Variants in RYR3 observed in about 807,000 individuals in gnomAD.
RYR3 encodes the protein brain ryanodine receptor-calcium release channel.
RYR3 carries 207 observed loss-of-function variants against 584.3 expected under a neutral mutation model. The observed-to-expected ratio is 0.35, with a 90% CI of 0.32 to 0.40. The LOEUF (loss-of-function observed/expected upper bound fraction) is 0.40. Among genes scored for constraint, RYR3 ranks in the 10% least tolerant of loss-of-function variants. The pLI is 1.00. For synonymous variants in RYR3, 2,416 were observed against 2,248.5 expected (o/e 1.07, Z -2.11); for missense variants, 5,616 against 6,089.2 (o/e 0.92, Z 2.59).
chr15:33,697,930 A>G lies in RYR3; in HGVS notation c.6183A>G (p.Arg2061=). 6.2e-7 allele frequency: 1 copy of G among 1,613,920 alleles called. No homozygotes were observed. The highest frequency in any genetic ancestry group is 1.1e-5 in the South Asian group (1 of 91,074). Residue 2061 remains arginine (R), a synonymous_variant, in exon 40 of 104, where the codon AGA becomes AGG. Coordinates refer to ENST00000634891, the MANE Select transcript of RYR3 (RefSeq NM_001036.6). ...KVFYQHPNLM[R]VLGMHETVME... ...TTTACCAGCATCCCAACCTCATGAG[A>G]GTCCTGGGCATGCACGAGACGGTGA...
intron 74 of RYR3, chr15:33,815,846 T>A: frequency 2.5e-6 from 1 of 398,578 alleles, no homozygotes; most frequent in Non-Finnish European, 4.4e-6. Context: ...ACAAAATTAA[T>A]AATTTCTTCC....
chr15:33,709,521 A>C (rs935197271), intron 43 of RYR3, among the ~76,000 whole-genome samples: 1 of 152,210 alleles, frequency 6.6e-6, no homozygotes, highest in African/African-American at 2.4e-5. Context: ...ATGGGGCCTA[A>C]TTGGAGGTGT....
At chr15:33,834,401 T>C (rs2077900134) in intron 86 of RYR3, among the ~76,000 whole-genome samples, 1 of 152,078 alleles carries the variant, frequency 6.6e-6, no homozygotes, top group South Asian at 2.1e-4. Flanking sequence ...AGAGATGCTA[T>C]TATATATGAA....
At chr15:33,573,671 G>T (rs1028582719) in intron 12 of RYR3, among the ~76,000 whole-genome samples, 6 of 152,188 alleles carry the variant, frequency 3.9e-5, no homozygotes, top group Non-Finnish European at 7.3e-5. Flanking sequence ...TTTAATAAAA[G>T]AATTCATTGG....
At chr15:33,837,057 T>C (rs2078096309) in intron 88 of RYR3, 70 bp downstream of exon 88, 2 of 1,240,790 alleles carry the variant, frequency 1.6e-6, no homozygotes, top group Non-Finnish European at 1.2e-6. Flanking sequence ...TTACTGATCA[T>C]GCAGATTATC....
chr15:33,641,912 G>T lies in RYR3; in HGVS notation c.3557-2399G>T, dbSNP rs2061848794. On this transcript the variant is annotated intron_variant, in intron 27 of 103. Transcript: ENST00000634891. Reference sequence around the variant, plus strand: ...TGGTCATAATTACTGTTTAAATCTGGGGCATTCATCCCCTGAAGACTCACT... The same window carrying T: ...TGGTCATAATTACTGTTTAAATCTGTGGCATTCATCCCCTGAAGACTCACT... Among the ~76,000 whole-genome samples the T allele has an allele frequency of 4.6e-5, 7 of 152,066 alleles. No homozygotes were observed. In the South Asian group the frequency reaches 1.5e-3, roughly 32 times the overall value.
At chr15:33,461,592 T>A (rs919318851) in intron 1 of RYR3, among the ~76,000 whole-genome samples, 9 of 152,160 alleles carry the variant, frequency 5.9e-5, no homozygotes, top group Admixed American at 5.2e-4. Context: ...CAGGATATGA[T>A]CCTCGCCTTC....
intron 51 of RYR3, among the ~76,000 whole-genome samples, chr15:33,741,924 A>C (rs72713300): frequency 0.015 from 2,350 of 152,180 alleles, 27 homozygotes; most frequent in Middle Eastern, 0.048. Context: ...CCAAAATTCG[A>C]GTATTTTACC....
chr15:33,826,709 T>C lies in RYR3; in HGVS notation c.11202T>C (p.Asp3734=). The C allele has an allele frequency of 6.2e-7, 1 of 1,613,926 alleles. No individual in the cohort carries two copies. Among genetic ancestry groups the C allele is most frequent in the Non-Finnish European group, 8.5e-7 (1 of 1,179,818 alleles). ...KVLQNDEFTR[D]LFRFLQLLCE... ...TCCAGAATGACGAGTTCACGCGTGATCTCTTTAGATTCCTACAGTTACTTT... is the reference window on the plus strand; with the variant it reads ...TCCAGAATGACGAGTTCACGCGTGACCTCTTTAGATTCCTACAGTTACTTT... The change falls in exon 84 of 104, where the codon GAT becomes GAC. Residue 3734 remains aspartate, a synonymous_variant. Transcript: ENST00000634891.
At chr15:33,561,128 T>C (rs2057377589) in intron 10 of RYR3, among the ~76,000 whole-genome samples, 1 of 152,274 alleles carries the variant, frequency 6.6e-6, no homozygotes, top group Non-Finnish European at 1.5e-5. Context: ...TCTCAATATA[T>C]GTCTATTAAG....
rs2078706466 is a variant in RYR3, at chr15:33,846,076, CCT to C, written c.13497+1021_13497+1022del. Among the ~76,000 whole-genome samples the C allele has an allele frequency of 5.3e-5, 8 of 152,320 alleles. No homozygotes were observed. In the South Asian group the frequency reaches 1.7e-3, roughly 32 times the overall value. The stretch of plus-strand genomic sequence containing the variant: ...GATGGGCTCAGCTGGGGTAGCTGGG[CCT>C]CTCTCTGTCTCCCTCTTTCTCTCCA... On this transcript the variant is annotated intron_variant, in intron 93 of 103. Transcript: ENST00000634891.
At chr15:33,809,383 C>T (rs145165031) in intron 70 of RYR3, among the ~76,000 whole-genome samples, 74 of 152,302 alleles carry the variant, frequency 4.9e-4, no homozygotes, top group African/African-American at 1.7e-3. Context: ...ACCCAGCCCT[C>T]CCCACTTCCA....
chr15:33,662,296 T>A lies in RYR3; in HGVS notation c.4766T>A (p.Leu1589His). 1.2e-6 allele frequency: 2 copies of A among 1,611,534 alleles called. No individual in the cohort carries two copies. Among genetic ancestry groups the A allele is most frequent in the South Asian group, 2.2e-5 (2 of 90,242 alleles). The change falls in exon 35 of 104, where the codon CTC becomes CAC. Residue 1589 changes from leucine to histidine, a missense_variant. Leu to His is a moderately conservative substitution (Grantham distance 99). Around this residue, in one of 9 missense-constraint regions of RYR3, gnomAD observed 753 missense variants for 741.0 expected, o/e 1.02. Transcript: ENST00000634891. ...TGCAGCCACGTGGACCTCTCCCAGC[T>A]CTTCTATGCCATTGACAACAAGTAC... ...ALCSHVDLSQ[L>H]FYAIDNKYLP...
intron 3 of RYR3, among the ~76,000 whole-genome samples, chr15:33,510,835 C>G (rs1332948707): frequency 6.6e-6 from 1 of 151,874 alleles, no homozygotes; most frequent in Non-Finnish European, 1.5e-5. Context: ...CCTTACTGTC[C>G]TTTGTCATGT....
At chr15:33,616,718 G>A (rs1874279) in intron 19 of RYR3, among the ~76,000 whole-genome samples, 71,051 of 152,086 alleles carry the variant, frequency 0.47, 17,314 homozygotes, top group East Asian at 0.76. Flanking sequence ...GGTGTGCAGC[G>A]GGGCTTGAAG....
At chr15:33,793,572 A>C (rs1567182499) in intron 67 of RYR3, among the ~76,000 whole-genome samples, 1 of 152,150 alleles carries the variant, frequency 6.6e-6, no homozygotes, top group Non-Finnish European at 1.5e-5. Flanking sequence ...AGGAAATTCC[A>C]CAAGTTCTAG....
intron 75 of RYR3, 64 bp from the exon 76 acceptor site, chr15:33,818,514 C>T: frequency 8.2e-7 from 1 of 1,220,394 alleles, no homozygotes; most frequent in Non-Finnish European, 1.2e-6. Context: ...TCTTTGTTCG[C>T]ATGCCAGTCA....
intron 65 of RYR3, among the ~76,000 whole-genome samples, chr15:33,781,660 C>T (rs544256457): frequency 2.0e-5 from 3 of 152,246 alleles, no homozygotes; most frequent in African/African-American, 7.2e-5. Flanking sequence ...CAGGACAATT[C>T]AGATAAGGCC....
chr15:33,312,764 T>G (rs1967530179), intron 1 of RYR3, among the ~76,000 whole-genome samples: 1 of 152,234 alleles, frequency 6.6e-6, no homozygotes, highest in Admixed American at 6.5e-5. Context: ...GAGTTGAGGC[T>G]TAGGAAGGTG....
Sources: gnomAD v4.1 joint callset for allele counts (sites outside exome capture counted in the v4.1 genomes callset) on GRCh38, gnomAD v4.1.1 for gene constraint, gnomAD v4.1.1 regional missense constraint, MANE v1.5 for transcripts, NCBI Gene and HGNC (gene_info 2026-07-23, HGNC 2026-07-21) for gene names.